MYH15: variants seen among roughly 807,000 people sequenced by gnomAD.
MYH15 encodes myosin-15.
In MYH15, 227 loss-of-function variants were observed where a neutral mutation model predicts 240.5. The ratio of observed to expected loss-of-function variants is 0.94; its 90% CI spans 0.85 to 1.05. The LOEUF is 1.05. MYH15 is among the 50% of genes least tolerant of loss of function. The pLI is 0.00. For synonymous variants in MYH15, 785 were observed against 796.7 expected (o/e 0.99, Z 0.25); for missense variants, 2,217 against 2,247.5 (o/e 0.99, Z 0.27).
intron 2 of MYH15, among the ~76,000 whole-genome samples, chr3:108,502,990 G>A (rs1576272821): frequency 6.6e-6 from 1 of 151,746 alleles, no homozygotes; most frequent in Non-Finnish European, 1.5e-5. Flanking sequence ...TCATCAATAA[G>A]TAGTACTTTA....
intron 21 of MYH15, among the ~76,000 whole-genome samples, chr3:108,447,041 A>G (rs1258960433): frequency 2.0e-5 from 3 of 152,210 alleles, no homozygotes; most frequent in Admixed American, 1.3e-4. Context: ...ACCATAAAAA[A>G]GAACCACATA....
the MYH15 span, among the ~76,000 whole-genome samples, chr3:108,549,448 G>C: frequency 6.6e-6 from 1 of 151,910 alleles, no homozygotes; most frequent in African/African-American, 2.4e-5. Flanking sequence ...CTTCTTTAGG[G>C]AGAGAAGATT....
chr3:108,452,049 A>G (rs529236691), intron 21 of MYH15, among the ~76,000 whole-genome samples: 2 of 151,858 alleles, frequency 1.3e-5, no homozygotes, highest in East Asian at 1.9e-4. Context: ...AGCTTTCCCC[A>G]AAGTCAGAAA....
upstream of MYH15, among the ~76,000 whole-genome samples, chr3:108,515,225 G>A (rs929217799): frequency 6.6e-6 from 1 of 152,284 alleles, no homozygotes; most frequent in South Asian, 2.1e-4. Context: ...TTGGGATTTA[G>A]ATGCCACTCT....
intron 11 of MYH15, among the ~76,000 whole-genome samples, chr3:108,480,389 G>A (rs960242707): frequency 7.9e-5 from 12 of 152,186 alleles, no homozygotes; most frequent in African/African-American, 2.7e-4. Flanking sequence ...GGGAGTGAGT[G>A]AGAAACTGAG....
At chr3:108,473,489 A>C (rs1292789378) in intron 12 of MYH15, among the ~76,000 whole-genome samples, 2 of 152,148 alleles carry the variant, frequency 1.3e-5, no homozygotes, top group African/African-American at 4.8e-5. Context: ...TTCTGCTTTT[A>C]TCACTTTCTC....
chr3:108,500,170 A>G lies in MYH15; in HGVS notation c.444T>C (p.Ala148=). The change falls in exon 4 of 41, where the codon GCT becomes GCC. Residue 148 remains alanine, a synonymous_variant. Transcript: ENST00000693548. The stretch of plus-strand genomic sequence containing the variant: ...TGGCAACAGCAAAGATGTGAGGGGG[A>G]GCCTCTGATCGCCTCTTCCCTTTGT... The part of the protein sequence containing the change: ...AAYKGKRRSE[A]PPHIFAVANN... The G allele has an allele frequency of 6.2e-7, 1 of 1,614,010 alleles. No individual in the cohort carries two copies. The highest frequency in any genetic ancestry group is 8.5e-7 in the Non-Finnish European group (1 of 1,179,942).
At chr3:108,506,899 C>A (rs1022240766) in intron 1 of MYH15, among the ~76,000 whole-genome samples, 1 of 152,046 alleles carries the variant, frequency 6.6e-6, no homozygotes, top group East Asian at 1.9e-4. Flanking sequence ...GGCATGGTGG[C>A]GTGTGCCTGT....
At chr3:108,530,436 A>AG (rs2083703978), upstream of MYH15, among the ~76,000 whole-genome samples, 1 of 152,176 alleles carries the variant, frequency 6.6e-6, no homozygotes, top group Admixed American at 6.6e-5. Context: ...AGTTGTGAAG[A>AG]GGGAGAGATA....
chr3:108,412,266 T>C (rs768908737), intron 30 of MYH15, among the ~76,000 whole-genome samples: 22 of 152,188 alleles, frequency 1.4e-4, no homozygotes, highest in Admixed American at 4.6e-4. Flanking sequence ...GTTGTTCTCA[T>C]GACAGCGAGT....
At chr3:108,403,894 C>T (rs894446635) in intron 33 of MYH15, among the ~76,000 whole-genome samples, 10 of 151,988 alleles carry the variant, frequency 6.6e-5, no homozygotes, top group East Asian at 1.9e-4. Flanking sequence ...ATGTAGCTGA[C>T]GAGACACAGG....
chr3:108,408,018 T>C lies in MYH15; in HGVS notation c.4620+262A>G, dbSNP rs570686818. 5.3e-5 allele frequency among the ~76,000 whole-genome samples: 8 copies of C among 152,360 alleles called. No homozygotes were observed. The South Asian group carries it at 8.3e-4, about 16-fold the overall frequency. On this transcript the variant is annotated intron_variant, in intron 32 of 40. Transcript: ENST00000693548. ...GGGATAAACTGGTGAACAAGATAGA[T>C]AGTTCCTGTTTTTACTACAATCAGG...
At chr3:108,441,725 A>T (rs1283005590) in intron 22 of MYH15, among the ~76,000 whole-genome samples, 1 of 152,214 alleles carries the variant, frequency 6.6e-6, no homozygotes, top group Non-Finnish European at 1.5e-5. Flanking sequence ...TTTAATATAC[A>T]TCTCTTCTAA....
At chr3:108,511,445 A>C (rs150710999), upstream of MYH15, among the ~76,000 whole-genome samples, 304 of 152,308 alleles carry the variant, frequency 2.0e-3, no homozygotes, top group African/African-American at 6.3e-3. Context: ...TCAGTCTTAG[A>C]GGGACTAAGT....
At chr3:108,410,027 C>A (rs560386476) in intron 31 of MYH15, among the ~76,000 whole-genome samples, 1 of 152,106 alleles carries the variant, frequency 6.6e-6, no homozygotes, top group Admixed American at 6.5e-5. Flanking sequence ...ATGCTGGAGC[C>A]GTGCTGGCTG....
Position 108,437,766 on chromosome 3 carries a change from T to C in MYH15, c.3076-67A>G, listed in dbSNP as rs541434373. ...GTTTATACTTCACTAGATGTGTTCA[T>C]TAACCACTTACCTTCTGGAAAAAGA... On this transcript the variant is annotated intron_variant, in intron 24 of 40. Coordinates refer to ENST00000693548, the MANE Select transcript of MYH15 (RefSeq NM_014981.3). The C allele has an allele frequency of 1.3e-4, 193 of 1,456,402 alleles. 1 individual carries two copies. In the African/African-American group the frequency reaches 3.1e-3, roughly 23 times the overall value. The allele number at this position is 1,456,402 out of a possible 1,614,324, so 90.2% of individuals were successfully genotyped here.
At chr3:108,457,900 G>A (rs1441200647) in intron 18 of MYH15, among the ~76,000 whole-genome samples, 2 of 152,044 alleles carry the variant, frequency 1.3e-5, no homozygotes, top group African/African-American at 4.8e-5. Context: ...CAGGCGTGGT[G>A]GTACATGCCT....
chr3:108,404,872 T>C (rs1238072828), intron 33 of MYH15: 3 of 152,222 alleles, frequency 2.0e-5, no homozygotes, highest in African/African-American at 7.2e-5. Flanking sequence ...TCAGTCAATT[T>C]CTTAATGCCC....
Position 108,455,781 on chromosome 3 carries a change from G to T in MYH15, c.2217C>A (p.Gly739=), listed in dbSNP as rs753023168. 2 of 1,613,784 alleles carry T rather than the reference G, an allele frequency of 1.2e-6. No individual in the cohort carries two copies. Among genetic ancestry groups the T allele is most frequent in the Non-Finnish European group, 8.5e-7 (1 of 1,179,732 alleles). ...SSRKAAEELL[G]SLEIDHTQYR... Reference sequence around the variant, plus strand: ...ACTGGGTATGGTCTATCTCCAAGGAGCCAAGTAATTCTTCAGCTGCTTTTC... The same window carrying T: ...ACTGGGTATGGTCTATCTCCAAGGATCCAAGTAATTCTTCAGCTGCTTTTC... The change falls in exon 20 of 41, where the codon GGC becomes GGA. Residue 739 remains glycine (G), a synonymous_variant. Transcript: ENST00000693548.
Sources: allele counts gnomAD v4.1 joint callset (sites outside exome capture counted in the v4.1 genomes callset), GRCh38; gene constraint gnomAD v4.1.1; transcripts MANE v1.5; gene names NCBI Gene and HGNC (gene_info 2026-07-23, HGNC 2026-07-21).